The following MBOAT4 variants were observed in gnomAD, a reference collection of about 807,000 sequenced individuals.
MBOAT4 encodes membrane-bound ghrelin O-acyltransferase MBOAT4.
In MBOAT4, 11 loss-of-function variants were observed where a neutral mutation model predicts 13.2. That is an observed-to-expected ratio of 0.84 (90% CI 0.53 to 1.38). The LOEUF is 1.38. MBOAT4 is among the 40% of genes most tolerant of loss of function. The probability of loss-of-function intolerance (pLI) is 0.00; values close to 1 mark genes in which losing one functional copy is unlikely to be tolerated. For synonymous variants in MBOAT4, 202 were observed against 210.3 expected, an observed-to-expected ratio of 0.96 and a Z score of 0.34; for missense variants, 481 against 527.2, an observed-to-expected ratio of 0.91 and a Z score of 0.86.
rs1387820433 is a variant in MBOAT4, at chr8:30,132,424, C to G, written c.827G>C (p.Gly276Ala). The G allele has an allele frequency of 6.4e-7, 1 of 1,551,756 alleles. No homozygotes were observed. Among genetic ancestry groups the G allele is most frequent in the South Asian group, 1.2e-5 (1 of 84,060 alleles). The change falls in exon 3 of 3, where the codon GGT (glycine) becomes GCT (alanine). Residue 276 changes from glycine (G) to alanine (A), a missense_variant. By Grantham distance (60) the Gly-to-Ala change is moderately conservative. Coordinates refer to ENST00000320542, the MANE Select transcript of MBOAT4 (RefSeq NM_001100916.2). Reference protein sequence around the residue: ...LHAAGFGPELGQSPGEEGYVP... With the variant: ...LHAAGFGPELAQSPGEEGYVP... The stretch of plus-strand genomic sequence containing the variant: ...ATATCCCTCCTCTCCAGGGCTCTGA[C>G]CAAGCTCAGGCCCAAAGCCCGCTGC...
At chr8:30,135,682 G>A (rs750903360) in intron 2 of MBOAT4, among the ~76,000 whole-genome samples, 1 of 152,154 alleles carries the variant, frequency 6.6e-6, no homozygotes, top group African/African-American at 2.4e-5. Flanking sequence ...GCTGAGGTGA[G>A]GTGGGCTGAT....
chr8:30,143,357 A>ATAAAT (rs1803293884), intron 1 of MBOAT4, among the ~76,000 whole-genome samples: 1 of 2,428 alleles, frequency 4.1e-4, no homozygotes. Context: ...CAAAAAAAAA[A>ATAAAT]AAAAAAAAAA....
In MBOAT4 at chr8:30,132,476, A is replaced by C; in HGVS notation, c.775T>G (p.Trp259Gly). ...TGGAGGAGGGAGTCGTCCAGGATCC[A>C]GTGGGAGTAGTAGGTGAGCTTGAAA... ...GLFKLTYYSH[W>G]ILDDSLLHAA... The change falls in exon 3 of 3, where the codon TGG (tryptophan) becomes GGG (glycine). Residue 259 changes from tryptophan to glycine, a missense_variant. Coordinates refer to ENST00000320542, the MANE Select transcript of MBOAT4 (RefSeq NM_001100916.2). 6.4e-7 allele frequency: 1 copy of C among 1,551,766 alleles called. No individual in the cohort carries two copies. Among genetic ancestry groups the C allele is most frequent in the East Asian group, 2.4e-5 (1 of 40,928 alleles).
chr8:30,142,192 A>G (rs1803273717), intron 1 of MBOAT4, among the ~76,000 whole-genome samples: 1 of 152,150 alleles, frequency 6.6e-6, no homozygotes, highest in Non-Finnish European at 1.5e-5. Flanking sequence ...CGAGAAATAT[A>G]TTTATTTAAT....
chr8:30,137,458 T>G (rs1803174305), intron 2 of MBOAT4: 1 of 1,551,614 alleles, frequency 6.4e-7, no homozygotes, highest in African/African-American at 1.4e-5. Context: ...GCCTGCTCTG[T>G]GGGCTCTAGG....
At chr8:30,141,942 ACTT>A (rs1158272363) in intron 1 of MBOAT4, among the ~76,000 whole-genome samples, 3 of 152,124 alleles carry the variant, frequency 2.0e-5, no homozygotes, top group Admixed American at 6.6e-5. Flanking sequence ...GCTTGGGGTG[ACTT>A]CCCCCCTCAA....
chr8:30,141,433 G>A (rs1186263694), intron 1 of MBOAT4, among the ~76,000 whole-genome samples: 2 of 152,024 alleles, frequency 1.3e-5, no homozygotes, highest in Admixed American at 6.6e-5. Flanking sequence ...TCAGGAGTTC[G>A]AGGCCAGCCT....
In MBOAT4 at chr8:30,132,753, G is replaced by A. The variant is rs138538560; in HGVS notation, c.498C>T (p.Phe166=). 6.4e-7 allele frequency: 1 copy of A among 1,551,742 alleles called. No homozygotes were observed. Among genetic ancestry groups the A allele is most frequent in the Non-Finnish European group, 8.7e-7 (1 of 1,147,010 alleles). ...GAGCAGGGAAAAAGAGCAAGTAGCT[G>A]AAATAGGGCAGTGCCTTACACACAT... ...SEHVCKALPY[F]SYLLFFPALL... The change falls in exon 3 of 3, where the codon TTC becomes TTT. Residue 166 remains phenylalanine, a synonymous_variant. Coordinates refer to ENST00000320542, the MANE Select transcript of MBOAT4 (RefSeq NM_001100916.2).
chr8:30,132,894 A>T lies in MBOAT4; in HGVS notation c.357T>A (p.Thr119=). Residue 119 remains threonine, a synonymous_variant, in exon 3 of 3, where the codon ACT becomes ACA. Transcript: ENST00000320542. ...GGGTCAAGAGCATGAGAGAAGAAAG[A>T]GTGATGCAGAACCTGCAAGATAATT... ...HEPPSVRFCI[T]LSSLMLLTQR... 1 of 1,521,810 alleles carries T rather than the reference A, an allele frequency of 6.6e-7. No homozygotes were observed. The highest frequency in any genetic ancestry group is 8.8e-7 in the Non-Finnish European group (1 of 1,134,028). The allele number at this position is 1,521,810 out of a possible 1,614,324, so 94.3% of individuals were successfully genotyped here.
rs1285013671 is a variant in MBOAT4, at chr8:30,132,112, G to T, written c.1139C>A (p.Thr380Asn). 4 of 1,551,726 alleles carry T rather than the reference G, an allele frequency of 2.6e-6. No individual in the cohort carries two copies. The highest frequency in any genetic ancestry group is 2.4e-5 in the East Asian group (1 of 40,922). The change falls in exon 3 of 3, where the codon ACC becomes AAC. Residue 380 changes from threonine to asparagine, a missense_variant. Thr to Asn is a moderately conservative substitution (Grantham distance 65). Coordinates refer to ENST00000320542, the MANE Select transcript of MBOAT4 (RefSeq NM_001100916.2). ...RSWPMRLFYR[T>N]LTWAHTQLII... The stretch of plus-strand genomic sequence containing the variant: ...CAACTGGGTGTGGGCCCAGGTGAGG[G>T]TTCTATAGAACAGCCTCATCGGCCA...
chr8:30,134,408 C>T (rs1161804802), intron 2 of MBOAT4, among the ~76,000 whole-genome samples: 7 of 149,976 alleles, frequency 4.7e-5, no homozygotes, highest in African/African-American at 1.2e-4. Context: ...GGTGATAGAG[C>T]GAGACTGCAT....
chr8:30,141,079 A>C (rs1803253706), intron 1 of MBOAT4, among the ~76,000 whole-genome samples: 1 of 152,020 alleles, frequency 6.6e-6, no homozygotes, highest in Non-Finnish European at 1.5e-5. Context: ...AGACTCATGC[A>C]ATCCTCTTGC....
intron 2 of MBOAT4, chr8:30,137,589 T>A: frequency 9.9e-7 from 1 of 1,008,202 alleles, no homozygotes; most frequent in Non-Finnish European, 1.5e-6. Context: ...ATATTCATTC[T>A]AATGAAACTG....
Position 30,131,995 on chromosome 8 carries a change from A to C in MBOAT4, c.1256T>G (p.Val419Gly). Residue 419 changes from valine (V) to glycine (G), a missense_variant, in exon 3 of 3, where the codon GTG becomes GGG. Val to Gly is a moderately radical substitution (Grantham distance 109, BLOSUM62 -3). Coordinates refer to ENST00000320542, the MANE Select transcript of MBOAT4 (RefSeq NM_001100916.2). ...CAATAGCAAAAGCAGAATACAGTAC[A>C]CCATGGGAAAGACACTGTTGTACGA... is the stretch of plus-strand genomic sequence containing the variant. ...CNSYNSVFPM[V>G]YCILLLLLAK... 6.4e-7 allele frequency: 1 copy of C among 1,552,124 alleles called. No homozygotes were observed.
chr8:30,139,017 A>G (rs1398779636), intron 1 of MBOAT4, among the ~76,000 whole-genome samples: 1 of 151,500 alleles, frequency 6.6e-6, no homozygotes, highest in Admixed American at 6.6e-5. Context: ...TCTGTCACCC[A>G]GGGTGAGTAT....
At chr8:30,143,369 AT>A (rs1563223820) in intron 1 of MBOAT4, among the ~76,000 whole-genome samples, 27 of 12,812 alleles carry the variant, frequency 2.1e-3, no homozygotes, top group African/African-American at 3.3e-3. Context: ...AAAAAAAAAT[AT>A]ATATATATAT....
At chr8:30,142,546 A>G (rs1389170690) in intron 1 of MBOAT4, among the ~76,000 whole-genome samples, 1 of 152,048 alleles carries the variant, frequency 6.6e-6, no homozygotes, top group Admixed American at 6.6e-5. Flanking sequence ...TTGTAGAGAC[A>G]GGGATTTTGT....
At chr8:30,143,030 A>G (rs1222034091) in intron 1 of MBOAT4, among the ~76,000 whole-genome samples, 1 of 152,194 alleles carries the variant, frequency 6.6e-6, no homozygotes, top group Non-Finnish European at 1.5e-5. Context: ...ACTGTCAGGG[A>G]AAAAGGGTTG....
chr8:30,134,811 G>T (rs546185872), intron 2 of MBOAT4, among the ~76,000 whole-genome samples: 1 of 152,112 alleles, frequency 6.6e-6, no homozygotes, highest in African/African-American at 2.4e-5. Flanking sequence ...GCCTCCCAAA[G>T]TGCTAGGATT....
Sources: allele counts gnomAD v4.1 joint callset (sites outside exome capture counted in the v4.1 genomes callset), GRCh38; gene constraint gnomAD v4.1.1; transcripts MANE v1.5; gene names NCBI Gene and HGNC (gene_info 2026-07-23, HGNC 2026-07-21).